MACROD2: variants seen among roughly 807,000 people sequenced by gnomAD.
MACROD2 encodes mono-ADP ribosylhydrolase 2.
Under a neutral mutation model 70.4 loss-of-function variants are expected in MACROD2, and 36 were observed. The ratio of observed to expected loss-of-function variants is 0.51; its 90% CI spans 0.39 to 0.68. The LOEUF (loss-of-function observed/expected upper bound fraction) is 0.68, where lower values mean the gene tolerates loss of function less well. MACROD2 is among the 30% of genes least tolerant of loss of function. The pLI, the probability that MACROD2 is intolerant of heterozygous loss-of-function variation, is 0.00. For synonymous variants in MACROD2, 172 were observed against 178.8 expected, an observed-to-expected ratio of 0.96 and a Z score of 0.30; for missense variants, 496 against 538.4, an observed-to-expected ratio of 0.92 and a Z score of 0.78.
chr20:15,474,441 G>A (rs988832217), intron 7 of MACROD2, among the ~76,000 whole-genome samples: 3 of 152,156 alleles, frequency 2.0e-5, no homozygotes, highest in African/African-American at 7.2e-5. Flanking sequence ...GGACTAGAAA[G>A]CATCTCACAC....
intron 5 of MACROD2, among the ~76,000 whole-genome samples, chr20:15,186,378 C>T (rs147493443): frequency 0.01 from 1,576 of 152,206 alleles, 11 homozygotes; most frequent in South Asian, 0.017. Context: ...GACAACCTTG[C>T]CCTCCAATGA....
chr20:14,476,707 G>T (rs1164423487), intron 3 of MACROD2, among the ~76,000 whole-genome samples: 4 of 152,134 alleles, frequency 2.6e-5, no homozygotes, highest in Non-Finnish European at 4.4e-5. Context: ...TACTGATTCT[G>T]CCACTAACCT....
At chr20:15,846,847 C>A (rs1361703843) in intron 8 of MACROD2, among the ~76,000 whole-genome samples, 1 of 140,012 alleles carries the variant, frequency 7.1e-6, no homozygotes, top group African/African-American at 2.6e-5. Flanking sequence ...GAAAAAACAA[C>A]AAAATAACTC....
intron 5 of MACROD2, among the ~76,000 whole-genome samples, chr20:14,746,685 C>G (rs1453125921): frequency 6.6e-6 from 1 of 152,014 alleles, no homozygotes; most frequent in African/African-American, 2.4e-5. Context: ...TGAAACTAGT[C>G]GAGGCCTTTT....
intron 10 of MACROD2, among the ~76,000 whole-genome samples, chr20:15,909,609 C>T (rs566435681): frequency 4.4e-4 from 66 of 149,294 alleles, no homozygotes; most frequent in Non-Finnish European, 7.3e-4. Context: ...CTGCAAGCTC[C>T]GCCTCCCGGG....
chr20:15,819,887 A>G (rs2063920716), intron 8 of MACROD2, among the ~76,000 whole-genome samples: 1 of 152,168 alleles, frequency 6.6e-6, no homozygotes, highest in Non-Finnish European at 1.5e-5. Context: ...TGAATTTTGG[A>G]TTTTTGTTAA....
At chr20:14,698,766 GTAATTATTTAATTAAA>G (rs946457828) in intron 5 of MACROD2, among the ~76,000 whole-genome samples, 2 of 148,936 alleles carry the variant, frequency 1.3e-5, no homozygotes, top group Admixed American at 1.3e-4. Context: ...ATAATTAAAT[GTAATTATTTAATTAAA>G]TAATTACATT....
intron 3 of MACROD2, among the ~76,000 whole-genome samples, chr20:14,247,332 C>A (rs1302824614): frequency 1.3e-5 from 2 of 152,118 alleles, no homozygotes; most frequent in Non-Finnish European, 2.9e-5. Flanking sequence ...TATGCCAGCG[C>A]TAACAAAACA....
At chr20:14,729,660 A>G (rs2071570891) in intron 5 of MACROD2, among the ~76,000 whole-genome samples, 1 of 152,148 alleles carries the variant, frequency 6.6e-6, no homozygotes, top group Non-Finnish European at 1.5e-5. Context: ...CAAGCTAAAT[A>G]TTTACTTTAA....
At chr20:14,040,723 A>T (rs1228041333) in intron 2 of MACROD2, among the ~76,000 whole-genome samples, 1 of 152,164 alleles carries the variant, frequency 6.6e-6, no homozygotes, top group Non-Finnish European at 1.5e-5. Flanking sequence ...AAGTTAAGTG[A>T]TTGTGCTATG....
rs539638391 is a variant in MACROD2 at position 14,698,612 on chromosome 20, A to G, written c.418+13653A>G. ...AATGTCTTTATTTTTTTTTTTGCTG[A>G]ATGTTTTTCTTTTCCACTAGAATAT... is the stretch of plus-strand genomic sequence containing the variant. On this transcript the variant is annotated intron_variant, in intron 5 of 17. Coordinates refer to ENST00000684519, the MANE Select transcript of MACROD2 (RefSeq NM_001351661.2). 1.1e-4 allele frequency among the ~76,000 whole-genome samples: 16 copies of G among 151,270 alleles called. No homozygotes were observed. In the South Asian group the frequency reaches 3.1e-3, roughly 30 times the overall value.
At chr20:15,415,721 T>A (rs902173412) in intron 6 of MACROD2, among the ~76,000 whole-genome samples, 1 of 152,216 alleles carries the variant, frequency 6.6e-6, no homozygotes, top group Admixed American at 6.5e-5. Flanking sequence ...AAGTCAATAC[T>A]TGCTCCATCC....
chr20:15,879,859 A>G (rs553435522), intron 9 of MACROD2, among the ~76,000 whole-genome samples: 1 of 152,088 alleles, frequency 6.6e-6, no homozygotes, highest in South Asian at 2.1e-4. Flanking sequence ...CAATGGAACC[A>G]ACCGTGTAGT....
At position 15,933,888 on chromosome 20, in the gene MACROD2, T is replaced by G. The variant is rs867279716; in HGVS notation, c.838+550T>G. On this transcript the variant is annotated intron_variant, in intron 11 of 17. Transcript: ENST00000684519. ...AAACCCTTCCTGACATCCCCTCTGTTCACTAAAGGACAGATGTGTCCATTG... is the reference window on the plus strand; with the variant it reads ...AAACCCTTCCTGACATCCCCTCTGTGCACTAAAGGACAGATGTGTCCATTG... Among the ~76,000 whole-genome samples, 4 of 152,300 alleles carry G rather than the reference T, an allele frequency of 2.6e-5. No individual in the cohort carries two copies. In the Middle Eastern group the frequency reaches 0.01, roughly 389 times the overall value.
rs1568543718 is a variant in MACROD2 at position 14,298,581 on chromosome 20, A to AG, written c.272-194898_272-194897insG. Reference sequence around the variant, plus strand: ...AAAACTCCACCTCAAAAAAAAAAAAAAAGAAGTGAATTTTTCTTAAGACTA... The same window carrying AG: ...AAAACTCCACCTCAAAAAAAAAAAAAGAAGAAGTGAATTTTTCTTAAGACTA... On this transcript the variant is annotated intron_variant, in intron 3 of 17. Transcript: ENST00000684519. Among the ~76,000 whole-genome samples, 41 of 146,942 alleles carry AG rather than the reference A, an allele frequency of 2.8e-4. 1 individual carries two copies. The highest frequency in any genetic ancestry group is 2.8e-4 in the Non-Finnish European group (19 of 67,050).
intron 5 of MACROD2, among the ~76,000 whole-genome samples, chr20:14,786,973 C>T (rs1389387599): frequency 6.6e-6 from 1 of 152,048 alleles, no homozygotes; most frequent in Non-Finnish European, 1.5e-5. Context: ...TTCAAATGAT[C>T]ATAGGCAATT....
At chr20:15,523,427 G>T (rs761971403) in intron 8 of MACROD2, among the ~76,000 whole-genome samples, 3 of 152,140 alleles carry the variant, frequency 2.0e-5, no homozygotes, top group Non-Finnish European at 2.9e-5. Context: ...TGTTGGAAGG[G>T]CCTAGTCTGG....
chr20:15,299,809 G>T (rs2077625155), intron 6 of MACROD2, among the ~76,000 whole-genome samples: 1 of 152,208 alleles, frequency 6.6e-6, no homozygotes, highest in African/African-American at 2.4e-5. Context: ...GCTGGGTCCA[G>T]ACATGGATGG....
At chr20:15,807,517 C>T (rs972959166) in intron 8 of MACROD2, among the ~76,000 whole-genome samples, 15 of 152,104 alleles carry the variant, frequency 9.9e-5, no homozygotes, top group African/African-American at 3.4e-4. Context: ...CCACAAGCCA[C>T]GTTTGTCCAT....
Sources: gnomAD v4.1 joint callset for allele counts (sites outside exome capture counted in the v4.1 genomes callset) on GRCh38, gnomAD v4.1.1 for gene constraint, MANE v1.5 for transcripts, NCBI Gene and HGNC (gene_info 2026-07-23, HGNC 2026-07-21) for gene names.